Variants in KHDC4 observed in about 807,000 individuals in gnomAD.
KHDC4 encodes the protein KH domain containing 4, pre-mRNA splicing factor, also known as KH homology domain-containing protein 4.
A neutral mutation model predicts 74.5 loss-of-function variants in KHDC4; 19 were observed. The observed-to-expected ratio is 0.26, with a 90% CI of 0.18 to 0.37. The LOEUF is 0.37. Ranked by LOEUF, KHDC4 falls within the 10% of genes least tolerant of loss-of-function variation. The probability of loss-of-function intolerance (pLI) is 1.00; values close to 1 mark genes in which losing one functional copy is unlikely to be tolerated. For missense variants in KHDC4, 632 were observed against 754.1 expected (o/e 0.84, Z 1.90); for synonymous variants, 253 against 266.1 (o/e 0.95, Z 0.48).
At chr1:155,928,659 A>T (rs1193879153) in intron 4 of KHDC4, among the ~76,000 whole-genome samples, 1 of 150,932 alleles carries the variant, frequency 6.6e-6, no homozygotes. Context: ...AAAAGTTAAG[A>T]AGTATATACA....
intron 3 of KHDC4, 55 bp downstream of exon 3, chr1:155,929,657 T>G: frequency 1.3e-6 from 2 of 1,573,502 alleles, no homozygotes; most frequent in Non-Finnish European, 1.7e-6. Context: ...TTTAGAGGTC[T>G]TCTTTATCTG....
chr1:155,916,595 G>A, intron 12 of KHDC4, 30 bp downstream of exon 12: 1 of 1,418,800 alleles, frequency 7.0e-7, no homozygotes. Flanking sequence ...AATAACATCT[G>A]AATACATTTG....
At chr1:155,927,334 C>G (rs1244581041) in intron 4 of KHDC4, among the ~76,000 whole-genome samples, 178 bp from the exon 5 acceptor site, 1 of 152,092 alleles carries the variant, frequency 6.6e-6, no homozygotes, top group Non-Finnish European at 1.5e-5. Flanking sequence ...AGCTGGGGAA[C>G]AAATAAACTT....
At chr1:155,931,057 C>T (rs1041373569) in intron 2 of KHDC4, among the ~76,000 whole-genome samples, 3 of 151,630 alleles carry the variant, frequency 2.0e-5, no homozygotes, top group African/African-American at 7.3e-5. Flanking sequence ...ACCGGTGGCT[C>T]ACATCTGTAA....
rs1399294066 is a variant in KHDC4, at chr1:155,921,437, C to T, written c.1204G>A (p.Val402Ile). 52 of 1,614,000 alleles carry T rather than the reference C, an allele frequency of 3.2e-5. No individual in the cohort carries two copies. In the Admixed American group the frequency reaches 8.5e-4, roughly 26 times the overall value. Reference protein sequence around the residue: ...PGVLPALPTGVPPVPTQYPIT... With the variant: ...PGVLPALPTGIPPVPTQYPIT... ...GGGTATTGTGTTGGCACAGGTGGGA[C>T]TCCAGTAGGTAATGCCGGCAAGACT... The change falls in exon 10 of 14, where the codon GTC becomes ATC. Residue 402 changes from valine to isoleucine, a missense_variant. Val to Ile is a conservative substitution (Grantham distance 29). This residue lies in a region of KHDC4 where 254 missense variants were observed against 267.4 expected (regional missense o/e 0.95). Transcript: ENST00000368321.
rs182422237 is a variant in KHDC4 at position 155,917,782 on chromosome 1, C to T, written c.1267-110G>A. ...ATCAATAAGTATCATATGAATTTTG[C>T]ATCTTCAGGTCCTTAGTTTCCTTCA... is the stretch of plus-strand genomic sequence containing the variant. On this transcript the variant is annotated intron_variant, in intron 10 of 13. Coordinates refer to ENST00000368321, the MANE Select transcript of KHDC4 (RefSeq NM_014949.4). 258 of 916,124 alleles carry T rather than the reference C, an allele frequency of 2.8e-4. 1 individual carries two copies. Among genetic ancestry groups the T allele is most frequent in the Non-Finnish European group, 3.8e-4 (239 of 620,816 alleles). The allele number at this position is 916,124 out of a possible 1,614,324, so 56.7% of individuals were successfully genotyped here. A position where few individuals can be genotyped will look rare whatever the true frequency, so the allele number is the denominator to read the frequency against.
At position 155,917,584 on chromosome 1, in the gene KHDC4, G is replaced by C; in HGVS notation, c.1355C>G (p.Pro452Arg). 11 of 1,604,794 alleles carry C rather than the reference G, an allele frequency of 6.9e-6. No individual in the cohort carries two copies. The highest frequency in any genetic ancestry group is 3.4e-5 in the Admixed American group (2 of 59,626). ...GPQPQPQPQP[P>R]LPSQPQAQKR... ...CTGTGCCTGGGGCTGACTTGGGAGT[G>C]GGGGCTGGGGCTGGGGCTGGGGCTG... is the stretch of plus-strand genomic sequence containing the variant. Residue 452 changes from proline (P) to arginine (R), a missense_variant, in exon 11 of 14, where the codon CCA (proline) becomes CGA (arginine). Physicochemically the swap from Pro to Arg is moderately radical, Grantham distance 103 (BLOSUM62 -2). This residue lies in a region of KHDC4 where 254 missense variants were observed against 267.4 expected (regional missense o/e 0.95). Transcript: ENST00000368321.
At chr1:155,933,213 C>G (rs906878750) in intron 2 of KHDC4, among the ~76,000 whole-genome samples, 2 of 152,036 alleles carry the variant, frequency 1.3e-5, no homozygotes, top group Non-Finnish European at 1.5e-5. Flanking sequence ...CATTCCAAAA[C>G]TAAATGATCT....
chr1:155,921,350 G>A (rs745928808), intron 10 of KHDC4, 25 bp downstream of exon 10: 7 of 1,610,598 alleles, frequency 4.3e-6, no homozygotes, highest in African/African-American at 1.3e-5. Context: ...TCAGTAATAT[G>A]TTGTTGCATA....
chr1:155,914,648 G>C, intron 13 of KHDC4: 1 of 236,046 alleles, frequency 4.2e-6, no homozygotes, highest in Non-Finnish European at 8.1e-6. Context: ...TAAAAGAAAA[G>C]AAGTTAAGAA....
intron 12 of KHDC4, among the ~76,000 whole-genome samples, chr1:155,916,319 C>G (rs375684971): frequency 2.0e-5 from 3 of 152,128 alleles, no homozygotes; most frequent in African/African-American, 7.2e-5. Flanking sequence ...GCAAAAATAG[C>G]TGAATTATGT....
At position 155,921,923 on chromosome 1, in the gene KHDC4, AAG is replaced by A. The variant is rs776517636; in HGVS notation, c.955-7_955-6del. The A allele has an allele frequency of 5.0e-6, 8 of 1,599,308 alleles. No individual in the cohort carries two copies. Among genetic ancestry groups the A allele is most frequent in the East Asian group, 2.2e-5 (1 of 44,802 alleles). ...TCTAGAGTATTCAGCATGAACCTGA[AAG>A]AGAGGGGGAAACAAATTAACATGGG... On this transcript the variant is annotated splice_region_variant and splice_polypyrimidine_tract_variant and intron_variant, in intron 8 of 13. Transcript: ENST00000368321.
At position 155,933,709 on chromosome 1, in the gene KHDC4, G is replaced by A. The variant is rs2102612061; in HGVS notation, c.179C>T (p.Ala60Val). ...AAPSGALDAA[A>V]AVAAKINAML... is the part of the protein sequence containing the mutation. ...GGCATTAATCTTGGCAGCCACAGCA[G>A]CAGCAGCATCCAAGGCTCCTGAAGG... Residue 60 changes from alanine to valine, a missense_variant, in exon 2 of 14, where the codon GCT becomes GTT. By Grantham distance (64) the Ala-to-Val change is moderately conservative. Around this residue, in one of 4 missense-constraint regions of KHDC4, gnomAD observed 233 missense variants for 342.6 expected, o/e 0.68. Transcript: ENST00000368321. 1 of 1,612,840 alleles carries A rather than the reference G, an allele frequency of 6.2e-7. No individual in the cohort carries two copies. Among genetic ancestry groups the A allele is most frequent in the Non-Finnish European group, 8.5e-7 (1 of 1,179,092 alleles).
intron 2 of KHDC4, among the ~76,000 whole-genome samples, chr1:155,931,523 GCA>G (rs1402094781): frequency 6.6e-6 from 1 of 152,144 alleles, no homozygotes; most frequent in Admixed American, 6.6e-5. Flanking sequence ...CTGTGCCACT[GCA>G]CAGTCACTGC....
chr1:155,921,826 C>T, intron 9 of KHDC4, 35 bp downstream of exon 9: 1 of 1,527,228 alleles, frequency 6.5e-7, no homozygotes, highest in Non-Finnish European at 9.0e-7. Flanking sequence ...CTATCACTAG[C>T]AAAATATTTT....
chr1:155,918,939 G>A (rs530182832), intron 10 of KHDC4, among the ~76,000 whole-genome samples: 1 of 147,102 alleles, frequency 6.8e-6, no homozygotes, highest in African/African-American at 2.5e-5. Flanking sequence ...GGGAAAGCAA[G>A]ATCAACCCTG....
intron 9 of KHDC4, 59 bp downstream of exon 9, chr1:155,921,802 A>C: frequency 1.4e-6 from 2 of 1,433,166 alleles, no homozygotes; most frequent in South Asian, 2.4e-5. Context: ...CTCAAGTATC[A>C]TAGTTACACA....
intron 12 of KHDC4, 86 bp from the exon 13 acceptor site, chr1:155,916,050 C>T: frequency 1.3e-6 from 1 of 795,514 alleles, no homozygotes; most frequent in South Asian, 1.6e-5. Flanking sequence ...ATTATGTCTG[C>T]AGACAATCCT....
At chr1:155,930,614 T>C (rs1355479646) in intron 2 of KHDC4, among the ~76,000 whole-genome samples, 1 of 152,184 alleles carries the variant, frequency 6.6e-6, no homozygotes, top group African/African-American at 2.4e-5. Context: ...ATGCATACAA[T>C]AGGAAGTTGT....
Sources: gnomAD v4.1 joint callset for allele counts (sites outside exome capture counted in the v4.1 genomes callset) on GRCh38, gnomAD v4.1.1 for gene constraint, gnomAD v4.1.1 regional missense constraint, MANE v1.5 for transcripts, NCBI Gene and HGNC (gene_info 2026-07-23, HGNC 2026-07-21) for gene names.